The following ATP1A2 variants were observed in gnomAD, a reference collection of about 807,000 sequenced individuals.
ATP1A2 encodes the protein ATPase Na+/K+ transporting subunit alpha 2.
A neutral mutation model predicts 113.1 loss-of-function variants in ATP1A2; 56 were observed. That is an observed-to-expected ratio of 0.49 (90% confidence interval 0.40 to 0.62). The LOEUF is 0.62. ATP1A2 is among the 20% of genes least tolerant of loss of function. The probability of loss-of-function intolerance (pLI) is 0.00; values close to 1 mark genes in which losing one functional copy is unlikely to be tolerated. For synonymous variants in ATP1A2, 490 were observed against 526.8 expected, an observed-to-expected ratio of 0.93 and a Z score of 0.96; for missense variants, 712 against 1,357.8, an observed-to-expected ratio of 0.52 and a Z score of 7.47.
chr1:160,119,989 C>T (rs976063927), intron 1 of ATP1A2, among the ~76,000 whole-genome samples: 2 of 151,588 alleles, frequency 1.3e-5, no homozygotes, highest in African/African-American at 4.9e-5. Context: ...ACACTGCATT[C>T]CATCCTGGGT....
intron 1 of ATP1A2, among the ~76,000 whole-genome samples, chr1:160,118,488 T>C (rs908113426): frequency 2.0e-5 from 3 of 152,202 alleles, no homozygotes; most frequent in African/African-American, 7.2e-5. Flanking sequence ...CTCAATTAAA[T>C]GAATCCTCTT....
chr1:160,126,556 A>G (rs1201458730), intron 7 of ATP1A2, among the ~76,000 whole-genome samples: 1 of 152,042 alleles, frequency 6.6e-6, no homozygotes, highest in Non-Finnish European at 1.5e-5. Context: ...TGCAGCCTTG[A>G]CCTCCCAGGC....
rs200177900 is a variant in ATP1A2 at position 160,135,106 on chromosome 1, G to T, written c.1965-39G>T. ...GGGGGCAGGAGGGGCTGGTACAGGT[G>T]CCAGGGGTCAGCTGTCTCTGTCCCC... On this transcript the variant is annotated intron_variant, in intron 14 of 22. Coordinates refer to ENST00000361216, the MANE Select transcript of ATP1A2 (RefSeq NM_000702.4). The surrounding 1 kb of genome is among the most constrained non-coding windows in gnomAD (Gnocchi z 6.3). The T allele has an allele frequency of 1.0e-4, 169 of 1,613,292 alleles. No homozygotes were observed. Among genetic ancestry groups the T allele is most frequent in the Non-Finnish European group, 1.3e-4 (156 of 1,179,792 alleles).
Position 160,135,166 on chromosome 1 carries a change from G to T in ATP1A2, c.1986G>T (p.Val662=). The change falls in exon 15 of 23, where the codon GTG becomes GTT. Residue 662 remains valine, a synonymous_variant. Transcript: ENST00000361216. This position sits in a 1 kb window ranked among gnomAD's most constrained non-coding sequence, Gnocchi z 6.3. ...VNPREAKACV[V]HGSDLKDMTS... is the part of the protein sequence containing the mutation. ...CCAGAGAAGCCAAGGCATGCGTGGT[G>T]CACGGCTCTGACCTGAAGGACATGA... 1.2e-6 allele frequency: 2 copies of T among 1,614,038 alleles called. No homozygotes were observed. Among genetic ancestry groups the T allele is most frequent in the Non-Finnish European group, 1.7e-6 (2 of 1,180,030 alleles).
intron 22 of ATP1A2, 129 bp downstream of exon 22, chr1:160,140,113 G>A (rs1048239250): frequency 5.6e-6 from 5 of 900,558 alleles, no homozygotes; most frequent in African/African-American, 3.3e-5. Flanking sequence ...CAGATCCTGG[G>A]GTCCCAGGTC....
Position 160,135,555 on chromosome 1 carries a change from T to C in ATP1A2, c.2237T>C (p.Ile746Thr), listed in dbSNP as rs748704053. The C allele has an allele frequency of 6.2e-7, 1 of 1,614,108 alleles. No homozygotes were observed. The highest frequency in any genetic ancestry group is 8.5e-7 in the Non-Finnish European group (1 of 1,180,006). ...SDVSKQAADM[I>T]LLDDNFASIV... is the part of the protein sequence containing the mutation. ...GTCTCTAAGCAGGCAGCCGACATGA[T>C]CCTGCTGGATGACAACTTTGCCTCC... The change falls in exon 16 of 23, where the codon ATC becomes ACC. Residue 746 changes from isoleucine (I) to threonine (T), a missense_variant. Around this residue, in one of 6 missense-constraint regions of ATP1A2, gnomAD observed 188 missense variants for 438.9 expected, o/e 0.43. Coordinates refer to ENST00000361216, the MANE Select transcript of ATP1A2 (RefSeq NM_000702.4). The surrounding 1 kb of genome is among the most constrained non-coding windows in gnomAD (Gnocchi z 6.3).
Position 160,135,408 on chromosome 1 carries a change from C to G in ATP1A2, c.2116-26C>G. 1 of 1,614,164 alleles carries G rather than the reference C, an allele frequency of 6.2e-7. No individual in the cohort carries two copies. Among genetic ancestry groups the G allele is most frequent in the Non-Finnish European group, 8.5e-7 (1 of 1,180,024 alleles). Reference sequence around the variant, plus strand: ...GCCAGGCTTGGGAAGGGGTTTCGTCCTCAAGTGTGGCCGTCTTCCCTCCAG... The same window carrying G: ...GCCAGGCTTGGGAAGGGGTTTCGTCGTCAAGTGTGGCCGTCTTCCCTCCAG... On this transcript the variant is annotated intron_variant, in intron 15 of 22. Transcript: ENST00000361216. The surrounding 1 kb of genome is among the most constrained non-coding windows in gnomAD (Gnocchi z 6.3).
Position 160,135,170 on chromosome 1 carries a change from G to A in ATP1A2, c.1990G>A (p.Gly664Ser), listed in dbSNP as rs1483366741. The A allele has an allele frequency of 5.0e-6, 8 of 1,614,162 alleles. No individual in the cohort carries two copies. Among genetic ancestry groups the A allele is most frequent in the East Asian group, 2.2e-5 (1 of 44,878 alleles). ...PREAKACVVHGSDLKDMTSEQ... is the reference protein window; with the variant it reads ...PREAKACVVHSSDLKDMTSEQ... ...AGAAGCCAAGGCATGCGTGGTGCAC[G>A]GCTCTGACCTGAAGGACATGACATC... The change falls in exon 15 of 23, where the codon GGC becomes AGC. Residue 664 changes from glycine (G) to serine (S), a missense_variant. By Grantham distance (56) the Gly-to-Ser change is moderately conservative. Coordinates refer to ENST00000361216, the MANE Select transcript of ATP1A2 (RefSeq NM_000702.4). The surrounding 1 kb of genome is among the most constrained non-coding windows in gnomAD (Gnocchi z 6.3).
chr1:160,136,458 G>C (rs1331235008), intron 18 of ATP1A2, 88 bp downstream of exon 18: 29 of 1,612,286 alleles, frequency 1.8e-5, no homozygotes, highest in Admixed American at 1.2e-4. Flanking sequence ...AAAATTCCAG[G>C]ACAGAGGCCA....
chr1:160,141,472 G>A lies in ATP1A2; in HGVS notation c.*150G>A. On this transcript the variant is annotated 3_prime_UTR_variant, in exon 23 of 23. Coordinates refer to ENST00000361216, the MANE Select transcript of ATP1A2 (RefSeq NM_000702.4). The stretch of plus-strand genomic sequence containing the variant: ...GGCAACTCAGCAGGCTAAGTTGCGG[G>A]GTATATAAATTGGGGTGATGACCCC... The A allele has an allele frequency of 1.0e-6, 1 of 1,003,802 alleles. No individual in the cohort carries two copies. Among genetic ancestry groups the A allele is most frequent in the Non-Finnish European group, 1.5e-6 (1 of 646,882 alleles). 62.2% of individuals were successfully genotyped at this position (1,003,802 alleles called of 1,614,324 possible).
chr1:160,139,993 C>T lies in ATP1A2; in HGVS notation c.3034+9C>T. The T allele has an allele frequency of 1.9e-6, 3 of 1,613,106 alleles. No individual in the cohort carries two copies. The highest frequency in any genetic ancestry group is 2.5e-6 in the Non-Finnish European group (3 of 1,179,742). Reference sequence around the variant, plus strand: ...GCGGCGGTATCCTGGTGGTAAGCCCCTCCACATTCCCCCCAGCAAAGTGCA... The same window carrying T: ...GCGGCGGTATCCTGGTGGTAAGCCCTTCCACATTCCCCCCAGCAAAGTGCA... On this transcript the variant is annotated intron_variant, in intron 22 of 22. Coordinates refer to ENST00000361216, the MANE Select transcript of ATP1A2 (RefSeq NM_000702.4).
Position 160,140,846 on chromosome 1 carries a change from C to CCTTTTT in ATP1A2, c.3035-448_3035-447insCTTTTT, listed in dbSNP as rs1652123649. ...ACCTCCTTCTCCTCCCTTTCACCTT[C>CCTTTTT]TTTTTTTTTTTTTTTTTTTTTTTTT... is the stretch of plus-strand genomic sequence containing the variant. On this transcript the variant is annotated intron_variant, in intron 22 of 22. Coordinates refer to ENST00000361216, the MANE Select transcript of ATP1A2 (RefSeq NM_000702.4). The CCTTTTT allele has an allele frequency of 3.5e-5, 3 of 86,948 alleles. 1 individual carries two copies. The highest frequency in any genetic ancestry group is 2.9e-4 in the Admixed American group (2 of 6,888). 5.4% of individuals were successfully genotyped at this position (86,948 alleles called of 1,614,324 possible).
chr1:160,118,711 T>G (rs1651269443), intron 1 of ATP1A2, among the ~76,000 whole-genome samples: 1 of 152,162 alleles, frequency 6.6e-6, no homozygotes, highest in Admixed American at 6.5e-5. Context: ...AAAGCTCATA[T>G]CTTTTTAAAT....
chr1:160,127,445 C>A, intron 7 of ATP1A2, 107 bp from the exon 8 acceptor site: 1 of 1,539,274 alleles, frequency 6.5e-7, no homozygotes, highest in Admixed American at 1.8e-5. Context: ...AGATCTGCGG[C>A]TTTGGCTCAC....
rs532417682 is a variant in ATP1A2, at chr1:160,125,651, C to T, written c.748+398C>T. 10 of 235,154 alleles carry T rather than the reference C, an allele frequency of 4.3e-5. 1 individual carries two copies. The South Asian group carries it at 6.1e-4, about 14-fold the overall frequency. The allele number at this position is 235,154 out of a possible 1,614,324, so 14.6% of individuals were successfully genotyped here. A position where few individuals can be genotyped will look rare whatever the true frequency, so the allele number is the denominator to read the frequency against. On this transcript the variant is annotated intron_variant, in intron 7 of 22. Coordinates refer to ENST00000361216, the MANE Select transcript of ATP1A2 (RefSeq NM_000702.4). ...CCTTGTGGTTCTGGGCCTCGCTGCC[C>T]CCTTCGATAACCTTTGCTTTGGCCA...
chr1:160,132,351 T>A (rs190228215), intron 13 of ATP1A2, among the ~76,000 whole-genome samples: 1 of 152,074 alleles, frequency 6.6e-6, no homozygotes, highest in East Asian at 1.9e-4. Context: ...GCCATCAGTG[T>A]CACGGGGGAG....
intron 13 of ATP1A2, among the ~76,000 whole-genome samples, chr1:160,131,440 T>C (rs1651767089): frequency 6.6e-6 from 1 of 152,182 alleles, no homozygotes; most frequent in African/African-American, 2.4e-5. Flanking sequence ...TTCTTAACTA[T>C]CATACCAGGA....
In ATP1A2 at chr1:160,125,273, C is replaced by T. The variant is rs1258278677; in HGVS notation, c.748+20C>T. 4.4e-6 allele frequency: 7 copies of T among 1,595,176 alleles called. No individual in the cohort carries two copies. The highest frequency in any genetic ancestry group is 6.0e-6 in the Non-Finnish European group (7 of 1,162,994). On this transcript the variant is annotated intron_variant, in intron 7 of 22. Transcript: ENST00000361216. ...TTGAAGGTGAGAAGCCAGGCTGCCCCCTGTAGGAAAGAGTCTGAATCCTGA... is the reference window on the plus strand; with the variant it reads ...TTGAAGGTGAGAAGCCAGGCTGCCCTCTGTAGGAAAGAGTCTGAATCCTGA...
chr1:160,136,507 G>C (rs568986463), intron 18 of ATP1A2, 63 bp from the exon 19 acceptor site: 1 of 1,613,722 alleles, frequency 6.2e-7, no homozygotes, highest in South Asian at 1.1e-5. Context: ...CTGGCCCTGA[G>C]GGGCTGTGCC....
Sources: allele counts gnomAD v4.1 joint callset (sites outside exome capture counted in the v4.1 genomes callset), GRCh38; gene constraint gnomAD v4.1.1; regional missense constraint gnomAD v4.1.1; non-coding constraint Gnocchi (gnomAD v3.1); transcripts MANE v1.5; gene names NCBI Gene and HGNC (gene_info 2026-07-23, HGNC 2026-07-21).